The following FRMD6 variants were observed in gnomAD, a reference collection of about 807,000 sequenced individuals.
The protein encoded by FRMD6 is FERM domain-containing protein 6.
A neutral mutation model predicts 73.2 loss-of-function variants in FRMD6; 37 were observed. The ratio of observed to expected loss-of-function variants is 0.51; its 90% CI spans 0.39 to 0.66. The LOEUF is 0.66. Among genes scored for constraint, FRMD6 ranks in the 30% least tolerant of loss-of-function variants. The pLI, the probability that FRMD6 is intolerant of heterozygous loss-of-function variation, is 0.00. For synonymous variants in FRMD6, 273 were observed against 282.2 expected (o/e 0.97, Z 0.33); for missense variants, 714 against 780.5 (o/e 0.91, Z 1.02).
the FRMD6 span, among the ~76,000 whole-genome samples, chr14:51,418,343 T>C: frequency 6.6e-6 from 1 of 152,214 alleles, no homozygotes; most frequent in African/African-American, 2.4e-5. Flanking sequence ...GGTTTTGGTG[T>C]GGATGTCCTT....
intron 2 of FRMD6, among the ~76,000 whole-genome samples, chr14:51,691,656 A>G (rs953172012): frequency 6.9e-5 from 9 of 130,884 alleles, no homozygotes; most frequent in African/African-American, 2.7e-4. Context: ...GTGCAGTGGT[A>G]CAATCTTGGC....
At chr14:51,463,388 G>T in the FRMD6 span, among the ~76,000 whole-genome samples, 2 of 152,164 alleles carry the variant, frequency 1.3e-5, no homozygotes, top group African/African-American at 4.8e-5. Flanking sequence ...CACTTAATTT[G>T]TATGGATTCA....
At chr14:51,634,148 A>C (rs1050693104) in intron 2 of FRMD6, among the ~76,000 whole-genome samples, 3 of 152,224 alleles carry the variant, frequency 2.0e-5, no homozygotes, top group African/African-American at 7.2e-5. Flanking sequence ...CATACACTGA[A>C]GTGTATATAA....
chr14:51,724,083 C>T (rs958163215), intron 12 of FRMD6: 2 of 151,930 alleles, frequency 1.3e-5, no homozygotes, highest in Admixed American at 1.3e-4. Flanking sequence ...TTAAACGTTG[C>T]TTATAAAACA....
At chr14:51,517,918 C>G (rs893243337) in intron 1 of FRMD6, among the ~76,000 whole-genome samples, 4 of 152,166 alleles carry the variant, frequency 2.6e-5, no homozygotes, top group African/African-American at 9.7e-5. Context: ...CTACAGCTGA[C>G]AAGCCTCATT....
chr14:51,458,694 T>C, the FRMD6 span, among the ~76,000 whole-genome samples: 1 of 152,234 alleles, frequency 6.6e-6, no homozygotes, highest in Non-Finnish European at 1.5e-5. Flanking sequence ...CTGATTATTT[T>C]GGTTGGACTG....
At chr14:51,397,522 G>C in the FRMD6 span, among the ~76,000 whole-genome samples, 4 of 152,254 alleles carry the variant, frequency 2.6e-5, no homozygotes, top group East Asian at 7.7e-4. Flanking sequence ...ATGATTTGTG[G>C]GAGAGAAAAA....
intron 2 of FRMD6, among the ~76,000 whole-genome samples, chr14:51,628,649 C>T (rs1191564299): frequency 6.6e-6 from 1 of 151,696 alleles, no homozygotes; most frequent in Non-Finnish European, 1.5e-5. Flanking sequence ...GCCATCTCTA[C>T]TAAAAGTACA....
chr14:51,634,933 A>T (rs1056792580), intron 2 of FRMD6, among the ~76,000 whole-genome samples: 12 of 152,308 alleles, frequency 7.9e-5, no homozygotes, highest in African/African-American at 2.9e-4. Context: ...ACCAGAGGCT[A>T]CTGACCGGTG....
upstream of FRMD6, among the ~76,000 whole-genome samples, chr14:51,486,499 G>T (rs1439819889): frequency 1.3e-5 from 2 of 152,182 alleles, no homozygotes; most frequent in Non-Finnish European, 2.9e-5. Flanking sequence ...TATTGACTTT[G>T]CAGGCATTTA....
chr14:51,424,895 A>G, the FRMD6 span, among the ~76,000 whole-genome samples: 3 of 152,086 alleles, frequency 2.0e-5, no homozygotes, highest in Admixed American at 2.0e-4. Context: ...CTCCAGATCA[A>G]CTCCCTTCTC....
At chr14:51,459,930 T>C in the FRMD6 span, among the ~76,000 whole-genome samples, 1 of 132,512 alleles carries the variant, frequency 7.5e-6, no homozygotes, top group Non-Finnish European at 1.6e-5. Context: ...GGCTAATCTT[T>C]TGGCCTTCCT....
chr14:51,511,851 T>G (rs1884329851), intron 1 of FRMD6, among the ~76,000 whole-genome samples: 1 of 151,324 alleles, frequency 6.6e-6, no homozygotes, highest in African/African-American at 2.4e-5. Flanking sequence ...GTCCTGCACA[T>G]GTACCCCAGA....
At chr14:51,433,332 A>G in the FRMD6 span, among the ~76,000 whole-genome samples, 1 of 152,230 alleles carries the variant, frequency 6.6e-6, no homozygotes, top group Non-Finnish European at 1.5e-5. Flanking sequence ...ACCATGGTTC[A>G]TTTATACATG....
At chr14:51,443,943 G>GGT in the FRMD6 span, among the ~76,000 whole-genome samples, 10 of 140,724 alleles carry the variant, frequency 7.1e-5, no homozygotes, top group East Asian at 2.1e-4. Context: ...CAAGTTGTGA[G>GGT]TTTTTTTTTT....
intron 2 of FRMD6, among the ~76,000 whole-genome samples, chr14:51,633,018 C>T (rs116743988): frequency 1.2e-3 from 189 of 152,208 alleles, no homozygotes; most frequent in African/African-American, 4.4e-3. Flanking sequence ...AAGAGGCAAA[C>T]TCATGCATTT....
At chr14:51,594,922 T>A (rs1159234827) in intron 2 of FRMD6, among the ~76,000 whole-genome samples, 1 of 152,250 alleles carries the variant, frequency 6.6e-6, no homozygotes, top group African/African-American at 2.4e-5. Flanking sequence ...GGATATTCGT[T>A]CCTTCCTTTG....
chr14:51,598,749 A>G (rs1211092653), intron 2 of FRMD6, among the ~76,000 whole-genome samples: 1 of 152,204 alleles, frequency 6.6e-6, no homozygotes, highest in Non-Finnish European at 1.5e-5. Context: ...ATGGCTGTGT[A>G]GTATTCCATG....
intron 2 of FRMD6, among the ~76,000 whole-genome samples, chr14:51,611,286 A>G (rs1890486203): frequency 6.6e-6 from 1 of 152,210 alleles, no homozygotes; most frequent in African/African-American, 2.4e-5. Context: ...TTCCCATAGA[A>G]ATTCAGAGTT....
Sources: allele counts gnomAD v4.1 joint callset (sites outside exome capture counted in the v4.1 genomes callset), GRCh38; gene constraint gnomAD v4.1.1; transcripts MANE v1.5; gene names NCBI Gene and HGNC (gene_info 2026-07-23, HGNC 2026-07-21).